The following MAGI2 variants were observed in gnomAD, a reference collection of about 807,000 sequenced individuals.
The protein encoded by MAGI2 is membrane-associated guanylate kinase, WW and PDZ domain-containing protein 2.
Under a neutral mutation model 133.3 loss-of-function variants are expected in MAGI2, and 35 were observed. That is an observed-to-expected ratio of 0.26 (90% CI 0.20 to 0.35). MAGI2 has a LOEUF of 0.35. Ranked by LOEUF, MAGI2 falls within the 10% of genes least tolerant of loss-of-function variation. MAGI2 has a pLI of 1.00. For missense variants in MAGI2, 1,636 were observed against 1,863.4 expected, an observed-to-expected ratio of 0.88 and a Z score of 2.25; for synonymous variants, 729 against 710.6, an observed-to-expected ratio of 1.03 and a Z score of -0.41.
At chr7:79,334,116 G>A (rs372641006) in intron 1 of MAGI2, among the ~76,000 whole-genome samples, 145 of 152,212 alleles carry the variant, frequency 9.5e-4, no homozygotes, top group African/African-American at 3.4e-3. Context: ...TGTGACATTG[G>A]ACTGAGGAAA....
chr7:79,185,237 T>C (rs181495995), intron 1 of MAGI2, among the ~76,000 whole-genome samples: 95 of 152,046 alleles, frequency 6.2e-4, no homozygotes, highest in South Asian at 6.2e-4. Flanking sequence ...CCAAACTCCA[T>C]TGGTATCTTT....
At chr7:78,748,845 T>C (rs1046904829) in intron 2 of MAGI2, among the ~76,000 whole-genome samples, 16 of 152,298 alleles carry the variant, frequency 1.1e-4, no homozygotes, top group Admixed American at 4.6e-4. Flanking sequence ...AAAATCAAAA[T>C]ACCTTTTCAC....
intron 2 of MAGI2, among the ~76,000 whole-genome samples, chr7:78,867,868 A>G (rs1252126751): frequency 6.6e-6 from 1 of 152,068 alleles, no homozygotes; most frequent in Non-Finnish European, 1.5e-5. Context: ...CCAGAAATAG[A>G]TTTTTGAAAG....
intron 2 of MAGI2, among the ~76,000 whole-genome samples, chr7:78,636,747 G>A (rs1435258052): frequency 6.6e-6 from 1 of 152,058 alleles, no homozygotes; most frequent in African/African-American, 2.4e-5. Flanking sequence ...ACAGTGAGTC[G>A]AGATCGTGCC....
chr7:78,828,045 C>T (rs918309945), intron 2 of MAGI2, among the ~76,000 whole-genome samples: 16 of 152,160 alleles, frequency 1.1e-4, no homozygotes, highest in East Asian at 1.9e-4. Context: ...CCACCATGCC[C>T]GGCTAATTTT....
chr7:78,652,356 T>G (rs1811670624), intron 2 of MAGI2, among the ~76,000 whole-genome samples: 1 of 151,618 alleles, frequency 6.6e-6, no homozygotes, highest in Non-Finnish European at 1.5e-5. Context: ...ATATCAAGGG[T>G]CGCTACCTGA....
intron 3 of MAGI2, among the ~76,000 whole-genome samples, chr7:78,524,861 C>A (rs1796818148): frequency 6.6e-6 from 1 of 152,100 alleles, no homozygotes; most frequent in Non-Finnish European, 1.5e-5. Context: ...ATGCATATCT[C>A]AATAAATGAT....
chr7:78,172,620 C>T (rs1346999958), intron 14 of MAGI2, among the ~76,000 whole-genome samples: 1 of 152,210 alleles, frequency 6.6e-6, no homozygotes, highest in East Asian at 1.9e-4. Flanking sequence ...AGGAGTCCTG[C>T]TGTTCATTAT....
chr7:78,573,243 TATAA>T (rs1467292907), intron 3 of MAGI2, among the ~76,000 whole-genome samples: 2 of 55,498 alleles, frequency 3.6e-5, no homozygotes, highest in African/African-American at 1.5e-4. Flanking sequence ...AATATATATA[TATAA>T]ATATATATAA....
chr7:78,598,847 C>T (rs1271656057), intron 3 of MAGI2, among the ~76,000 whole-genome samples: 17 of 151,996 alleles, frequency 1.1e-4, no homozygotes, highest in Admixed American at 1.1e-3. Flanking sequence ...AAGTAGGTAC[C>T]GTTCATGGAG....
chr7:79,064,692 CCTT>C (rs1454183630), intron 1 of MAGI2, among the ~76,000 whole-genome samples: 2 of 152,056 alleles, frequency 1.3e-5, no homozygotes. Flanking sequence ...ATCCATTATT[CCTT>C]CTCCCTGTGA....
chr7:78,381,898 A>G (rs950374240), intron 6 of MAGI2, among the ~76,000 whole-genome samples: 1 of 152,210 alleles, frequency 6.6e-6, no homozygotes, highest in African/African-American at 2.4e-5. Context: ...AGCTAACATA[A>G]CCAGATAAAT....
intron 21 of MAGI2, among the ~76,000 whole-genome samples, chr7:78,030,319 A>C (rs563742465): frequency 6.6e-6 from 1 of 152,146 alleles, no homozygotes; most frequent in Non-Finnish European, 1.5e-5. Flanking sequence ...GCTGGAGTGC[A>C]ATGGTGCGAT....
At chr7:79,167,996 G>A (rs950651354) in intron 1 of MAGI2, among the ~76,000 whole-genome samples, 3 of 152,028 alleles carry the variant, frequency 2.0e-5, no homozygotes, top group South Asian at 2.1e-4. Flanking sequence ...GTGCCTTAAG[G>A]GCATGTTCCT....
chr7:78,728,395 A>C (rs1185930251), intron 2 of MAGI2, among the ~76,000 whole-genome samples: 1 of 152,166 alleles, frequency 6.6e-6, no homozygotes, highest in Non-Finnish European at 1.5e-5. Flanking sequence ...AACAAAATGC[A>C]CATTGGTTCT....
chr7:79,304,203 C>CTGTGTGTGAGTG (rs1837605709), intron 1 of MAGI2, among the ~76,000 whole-genome samples: 1 of 135,426 alleles, frequency 7.4e-6, no homozygotes, highest in South Asian at 2.4e-4. Flanking sequence ...GTGTGTGTGT[C>CTGTGTGTGAGTG]TGTGTGTGTG....
chr7:78,053,409 G>A (rs539475526), intron 21 of MAGI2, among the ~76,000 whole-genome samples: 19 of 152,308 alleles, frequency 1.2e-4, no homozygotes, highest in Non-Finnish European at 2.5e-4. Flanking sequence ...GGGAGGGGCC[G>A]TTCTCTGTCC....
chr7:79,393,150 T>A (rs538110682), intron 1 of MAGI2, among the ~76,000 whole-genome samples: 11 of 152,330 alleles, frequency 7.2e-5, no homozygotes, highest in African/African-American at 2.2e-4. Context: ...AGTTGAAATC[T>A]GTTTCATTAA....
At chr7:79,153,040 T>C (rs1390056148) in intron 1 of MAGI2, among the ~76,000 whole-genome samples, 1 of 152,154 alleles carries the variant, frequency 6.6e-6, no homozygotes, top group African/African-American at 2.4e-5. Flanking sequence ...TCCAGACAAA[T>C]ATAGTATCAC....
Sources: allele counts gnomAD v4.1 joint callset (sites outside exome capture counted in the v4.1 genomes callset), GRCh38; gene constraint gnomAD v4.1.1; transcripts MANE v1.5; gene names NCBI Gene and HGNC (gene_info 2026-07-23, HGNC 2026-07-21).